Variants in TLR10 observed in about 807,000 individuals in gnomAD.
The protein encoded by TLR10 is toll-like receptor 10.
For synonymous variants in TLR10, 288 were observed against 338.8 expected (o/e 0.85, Z 1.65); for missense variants, 929 against 932.9 (o/e 1.00, Z 0.05).
Position 38,775,460 on chromosome 4 carries a change from G to A in TLR10, c.131C>T (p.Ala44Val). 1 of 1,614,116 alleles carries A rather than the reference G, an allele frequency of 6.2e-7. No homozygotes were observed. Among genetic ancestry groups the A allele is most frequent in the Non-Finnish European group, 8.5e-7 (1 of 1,180,012 alleles). The change falls in exon 4 of 4, where the codon GCA becomes GTA. Residue 44 changes from alanine to valine, a missense_variant. Transcript: ENST00000308973. ...TGTCGTTGTGGCTGGGGTCAAGTCTGCGGGAACCTTTCTTAGAGACATGTT... is the reference window on the plus strand; with the variant it reads ...TGTCGTTGTGGCTGGGGTCAAGTCTACGGGAACCTTTCTTAGAGACATGTT... ...CSNMSLRKVP[A>V]DLTPATTTLD...
At position 38,775,615 on chromosome 4, in the gene TLR10, T is replaced by A; in HGVS notation, c.-25A>T. The A allele has an allele frequency of 1.3e-6, 2 of 1,556,258 alleles. No homozygotes were observed. The highest frequency in any genetic ancestry group is 1.7e-6 in the Non-Finnish European group (2 of 1,152,424). ...TTGTATTTCCAAGGATTTTACCACT[T>A]ATTTCCTCATATGAATGATGAAGAT... On this transcript the variant is annotated 5_prime_UTR_variant, in exon 4 of 4. The change abolishes the stop of an existing upstream ORF in the 5' untranslated region. Coordinates refer to ENST00000308973, the MANE Select transcript of TLR10 (RefSeq NM_030956.4).
chr4:38,775,701 T>C, intron 3 of TLR10, 49 bp from the exon 4 acceptor site: 1 of 1,157,824 alleles, frequency 8.6e-7, no homozygotes, highest in Non-Finnish European at 1.2e-6. Flanking sequence ...TGTTAAATCC[T>C]GTAGGATTTT....
Position 38,774,200 on chromosome 4 carries a change from T to C in TLR10, c.1391A>G (p.His464Arg). ...ATTTAGTTCTCGTAAGGCCATCAGATGAATAGTCTCTTTAGGTACAGTTTG... is the reference window on the plus strand; with the variant it reads ...ATTTAGTTCTCGTAAGGCCATCAGACGAATAGTCTCTTTAGGTACAGTTTG... ...QIQTVPKETIHLMALRELNIA... is the reference protein window; with the variant it reads ...QIQTVPKETIRLMALRELNIA... The change falls in exon 4 of 4, where the codon CAT (histidine) becomes CGT (arginine). Residue 464 changes from histidine to arginine, a missense_variant. Physicochemically the swap from His to Arg is conservative, Grantham distance 29. Coordinates refer to ENST00000308973, the MANE Select transcript of TLR10 (RefSeq NM_030956.4). 6.2e-7 allele frequency: 1 copy of C among 1,613,562 alleles called. No individual in the cohort carries two copies. Among genetic ancestry groups the C allele is most frequent in the Middle Eastern group, 1.7e-4 (1 of 6,060 alleles).
rs1408909894 is a variant in TLR10, at chr4:38,774,502, C to T, written c.1089G>A (p.Glu363=). 1 of 1,589,468 alleles carries T rather than the reference C, an allele frequency of 6.3e-7. No individual in the cohort carries two copies. Among genetic ancestry groups the T allele is most frequent in the Non-Finnish European group, 8.5e-7 (1 of 1,171,600 alleles). The change falls in exon 4 of 4, where the codon GAG becomes GAA. Residue 363 remains glutamate, a synonymous_variant. Transcript: ENST00000308973. ...GCAGTTGGATAGTTCTTTTAAACAA[C>T]TCGTCTGTTAAGATATTATTGGCAA... The part of the protein sequence containing the change: ...LNFANNILTD[E]LFKRTIQLPH...
At chr4:38,780,710 T>C (rs1385773877) in intron 1 of TLR10, among the ~76,000 whole-genome samples, 1 of 152,200 alleles carries the variant, frequency 6.6e-6, no homozygotes, top group Non-Finnish European at 1.5e-5. Context: ...AGATAATGTT[T>C]ACATGAAATA....
Position 38,774,419 on chromosome 4 carries a change from CTT to C in TLR10, c.1170_1171del (p.Ser391LeufsTer4). ...CAAGGGTGTGTTGTTAGCAAAGCAACTTACTAAAGAAAGTGTCTCCAGTTTAT... is the reference window on the plus strand; with the variant it reads ...CAAGGGTGTGTTGTTAGCAAAGCAACACTAAAGAAAGTGTCTCCAGTTTAT... On this transcript the variant is annotated frameshift_variant, in exon 4 of 4. Transcript: ENST00000308973. LOFTEE classifies it low-confidence loss of function (END_TRUNC). The C allele has an allele frequency of 6.2e-7, 1 of 1,613,258 alleles. No individual in the cohort carries two copies. Among genetic ancestry groups the C allele is most frequent in the Non-Finnish European group, 8.5e-7 (1 of 1,179,792 alleles).
chr4:38,774,179 A>G lies in TLR10; in HGVS notation c.1412T>C (p.Leu471Pro). Residue 471 changes from leucine to proline, a missense_variant, in exon 4 of 4, where the codon CTA becomes CCA. Physicochemically the swap from Leu to Pro is moderately conservative, Grantham distance 98 (BLOSUM62 -3). Coordinates refer to ENST00000308973, the MANE Select transcript of TLR10 (RefSeq NM_030956.4). ...ETIHLMALRE[L>P]NIAFNFLTDL... is the part of the protein sequence containing the mutation. ...AGTTAGAAAATTAAATGCAATATTT[A>G]GTTCTCGTAAGGCCATCAGATGAAT... 6.2e-7 allele frequency: 1 copy of G among 1,612,228 alleles called. No homozygotes were observed. Among genetic ancestry groups the G allele is most frequent in the Non-Finnish European group, 8.5e-7 (1 of 1,179,236 alleles).
Position 38,773,042 on chromosome 4 carries a change from G to A in TLR10, c.*113C>T. On this transcript the variant is annotated 3_prime_UTR_variant, in exon 4 of 4. Coordinates refer to ENST00000308973, the MANE Select transcript of TLR10 (RefSeq NM_030956.4). ...AATCCTTCTAGAAACTGATATGAAGGGAATAACCATTTTTTATTTTAATAA... is the reference window on the plus strand; with the variant it reads ...AATCCTTCTAGAAACTGATATGAAGAGAATAACCATTTTTTATTTTAATAA... 14 of 1,053,628 alleles carry A rather than the reference G, an allele frequency of 1.3e-5. No individual in the cohort carries two copies. Among genetic ancestry groups the A allele is most frequent in the Non-Finnish European group, 1.8e-5 (14 of 790,202 alleles). The allele number at this position is 1,053,628 out of a possible 1,614,324, so 65.3% of individuals were successfully genotyped here. A position where few individuals can be genotyped will look rare whatever the true frequency, so the allele number is the denominator to read the frequency against.
Position 38,774,848 on chromosome 4 carries a change from A to T in TLR10, c.743T>A (p.Leu248Ter), listed in dbSNP as rs775673182. 3 of 1,601,426 alleles carry T rather than the reference A, an allele frequency of 1.9e-6. No homozygotes were observed. The highest frequency in any genetic ancestry group is 2.6e-6 in the Non-Finnish European group (3 of 1,174,554). The change falls in exon 4 of 4, where the codon TTG becomes TAG. Residue 248 changes from leucine to a stop codon, truncating the protein, a stop_gained. Transcript: ENST00000308973. LOFTEE classifies it low-confidence loss of function (END_TRUNC). The part of the protein sequence containing the change: ...SLENAKTSVL[L>*]LNKVDLLWDD... ...CCAGAGTAAATCAACTTTATTAAGC[A>T]ATAGAACCGATGTCTTAGCATTTTC...
At chr4:38,778,453 C>T (rs73236612) in intron 1 of TLR10, among the ~76,000 whole-genome samples, 9 of 89,668 alleles carry the variant, frequency 1.0e-4, no homozygotes, top group South Asian at 4.7e-4. Flanking sequence ...AATAAATAAA[C>T]AAACAAACAA....
At position 38,773,595 on chromosome 4, in the gene TLR10, A is replaced by G; in HGVS notation, c.1996T>C (p.Cys666Arg). The change falls in exon 4 of 4, where the codon TGC becomes CGC. Residue 666 changes from cysteine (C) to arginine (R), a missense_variant. Cys to Arg is a radical substitution (Grantham distance 180). Coordinates refer to ENST00000308973, the MANE Select transcript of TLR10 (RefSeq NM_030956.4). Reference protein sequence around the residue: ...LEKEDGSILICLYESYFDPGK... With the variant: ...LEKEDGSILIRLYESYFDPGK... ...GGGTCAAAGTAGCTTTCATAAAGGC[A>G]AATCAAGATAGAACCATCTTCCTTC... is the stretch of plus-strand genomic sequence containing the variant. 1 of 1,601,338 alleles carries G rather than the reference A, an allele frequency of 6.2e-7. No individual in the cohort carries two copies. Among genetic ancestry groups the G allele is most frequent in the Non-Finnish European group, 8.5e-7 (1 of 1,174,370 alleles).
chr4:38,774,552 G>T lies in TLR10; in HGVS notation c.1039C>A (p.Pro347Thr), dbSNP rs749107834. The T allele has an allele frequency of 1.3e-6, 2 of 1,592,672 alleles. No individual in the cohort carries two copies. The highest frequency in any genetic ancestry group is 2.3e-5 in the South Asian group (2 of 86,512). ...AAATTTAAATATTGGAATTTCGTAG[G>T]ATAATTCGGGAAAAGCATGTGTGGC... ...QMPHMLFPNY[P>T]TKFQYLNFAN... The change falls in exon 4 of 4, where the codon CCT becomes ACT. Residue 347 changes from proline to threonine, a missense_variant. Physicochemically the swap from Pro to Thr is conservative, Grantham distance 38 (BLOSUM62 -1). Transcript: ENST00000308973.
At position 38,774,598 on chromosome 4, in the gene TLR10, C is replaced by T; in HGVS notation, c.993G>A (p.Leu331=). The stretch of plus-strand genomic sequence containing the variant: ...GTGGCATTTGTGCATTTGATATTGT[C>T]AGGTTTTCTATGTCCATTTTGGTCA... The part of the protein sequence containing the change: ...LLLTKMDIEN[L]TISNAQMPHM... Residue 331 remains leucine (L), a synonymous_variant, in exon 4 of 4, where the codon CTG becomes CTA. Transcript: ENST00000308973. The T allele has an allele frequency of 1.3e-6, 2 of 1,594,254 alleles. No homozygotes were observed. The highest frequency in any genetic ancestry group is 1.7e-6 in the Non-Finnish European group (2 of 1,173,642).
In TLR10 at chr4:38,782,011, C is replaced by A. The variant is rs577183713; in HGVS notation, c.-569+910G>T. The stretch of plus-strand genomic sequence containing the variant: ...GAAGAAGCAGAGATTTGAACCCAGA[C>A]CTGTCTGGTTCCTTCTGGATGGTAA... On this transcript the variant is annotated intron_variant, in intron 1 of 3. Transcript: ENST00000308973. Among the ~76,000 whole-genome samples, 10 of 152,276 alleles carry A rather than the reference C, an allele frequency of 6.6e-5. No individual in the cohort carries two copies. The East Asian group carries it at 1.9e-3, about 29-fold the overall frequency.
rs1183590841 is a variant in TLR10, at chr4:38,773,658, A to G, written c.1933T>C (p.Ser645Pro). 3 of 1,609,106 alleles carry G rather than the reference A, an allele frequency of 1.9e-6. No individual in the cohort carries two copies. In the Admixed American group the frequency reaches 5.1e-5, roughly 27 times the overall value. ...HAFISYSEHD[S>P]LWVKNELIPN... ...ATCAATTCATTCTTCACCCACAGAG[A>G]ATCATGTTCACTGTATGAAATAAAT... Residue 645 changes from serine (S) to proline (P), a missense_variant, in exon 4 of 4, where the codon TCT (serine) becomes CCT (proline). Ser to Pro is a moderately conservative substitution (Grantham distance 74). Coordinates refer to ENST00000308973, the MANE Select transcript of TLR10 (RefSeq NM_030956.4).
chr4:38,772,870 C>T lies in TLR10; in HGVS notation c.*285G>A, dbSNP rs1375894551. The T allele has an allele frequency of 1.6e-5, 3 of 192,526 alleles. No homozygotes were observed. Among genetic ancestry groups the T allele is most frequent in the Admixed American group, 5.9e-5 (1 of 16,996 alleles). The allele number at this position is 192,526 out of a possible 1,614,324, so 11.9% of individuals were successfully genotyped here. On this transcript the variant is annotated 3_prime_UTR_variant, in exon 4 of 4. Coordinates refer to ENST00000308973, the MANE Select transcript of TLR10 (RefSeq NM_030956.4). ...TCTCTTGACCTCGTGGGTCACCCAC[C>T]TTGGCCTCCCATAGTGCTGGGATTA...
At position 38,774,044 on chromosome 4, in the gene TLR10, G is replaced by A. The variant is rs144556800; in HGVS notation, c.1547C>T (p.Thr516Ile). 1.1e-5 allele frequency: 17 copies of A among 1,611,168 alleles called. No individual in the cohort carries two copies. Among genetic ancestry groups the A allele is most frequent in the Non-Finnish European group, 1.4e-5 (16 of 1,178,192 alleles). The change falls in exon 4 of 4, where the codon ACT becomes ATT. Residue 516 changes from threonine (T) to isoleucine (I), a missense_variant. By Grantham distance (89) the Thr-to-Ile change is moderately conservative (BLOSUM62 -1). Coordinates refer to ENST00000308973, the MANE Select transcript of TLR10 (RefSeq NM_030956.4). ...DFVQSCQEVK[T>I]LNAGRNPFRC... ...GAATGGATTTCTTCCCGCATTTAGA[G>A]TTTTAACTTCCTGGCAGCTCTGAAC...
At position 38,777,119 on chromosome 4, in the gene TLR10, G is replaced by T. The variant is rs190439329; in HGVS notation, c.-568-693C>A. On this transcript the variant is annotated intron_variant, in intron 1 of 3. Transcript: ENST00000308973. ...AGATTTGGGTGGGGACCAATATCAG[G>T]CAGTGATATTGTCTTGAAGGAAAAA... is the stretch of plus-strand genomic sequence containing the variant. Among the ~76,000 whole-genome samples the T allele has an allele frequency of 1.7e-3, 257 of 152,266 alleles. 1 individual carries two copies. Among genetic ancestry groups the T allele is most frequent in the African/African-American group, 5.6e-3 (232 of 41,546 alleles).
chr4:38,775,719 A>G, intron 3 of TLR10, 56 bp downstream of exon 3: 1 of 924,116 alleles, frequency 1.1e-6, no homozygotes, highest in South Asian at 2.3e-5. Flanking sequence ...TTTTATTTGC[A>G]AAAAAAATGC....
Sources: allele counts gnomAD v4.1 joint callset (sites outside exome capture counted in the v4.1 genomes callset), GRCh38; gene constraint gnomAD v4.1.1; transcripts MANE v1.5; gene names NCBI Gene and HGNC (gene_info 2026-07-23, HGNC 2026-07-21).